The following KDM5A variants were observed in gnomAD, a reference collection of about 807,000 sequenced individuals.
KDM5A encodes lysine-specific demethylase 5A.
In KDM5A, 42 loss-of-function variants were observed where a neutral mutation model predicts 193.5. That is an observed-to-expected ratio of 0.22 (90% CI 0.17 to 0.28). The LOEUF (loss-of-function observed/expected upper bound fraction) is 0.28, where lower values mean the gene tolerates loss of function less well. Among genes scored for constraint, KDM5A ranks in the 10% least tolerant of loss-of-function variants. KDM5A has a pLI of 1.00. For missense variants in KDM5A, 1,692 were observed against 2,055.1 expected (o/e 0.82, Z 3.42); for synonymous variants, 796 against 718.1 (o/e 1.11, Z -1.73).
intron 2 of KDM5A, 23 bp from the exon 3 acceptor site, chr12:384,176 G>A (rs759985812): frequency 5.8e-6 from 9 of 1,549,098 alleles, no homozygotes; most frequent in Middle Eastern, 1.7e-4. Flanking sequence ...AAATACAGAA[G>A]AACTAAGTTA....
intron 24 of KDM5A, among the ~76,000 whole-genome samples, chr12:306,687 G>C (rs1461937162): frequency 6.7e-6 from 1 of 149,372 alleles, no homozygotes; most frequent in Non-Finnish European, 1.5e-5. Context: ...AGGTTGCACT[G>C]AACAGAGATC....
At chr12:385,784 A>G in intron 2 of KDM5A, 113 bp downstream of exon 2, 3 of 809,114 alleles carry the variant, frequency 3.7e-6, no homozygotes, top group Non-Finnish European at 6.5e-6. Flanking sequence ...ATTCCATTCA[A>G]TACCAATTAA....
intron 19 of KDM5A, among the ~76,000 whole-genome samples, chr12:313,946 G>A (rs1943619484): frequency 6.6e-6 from 1 of 152,146 alleles, no homozygotes; most frequent in South Asian, 2.1e-4. Context: ...AAGCATTCAT[G>A]GTTCAGTTTG....
At chr12:350,427 CAA>C (rs10616968) in intron 10 of KDM5A, among the ~76,000 whole-genome samples, 192 bp downstream of exon 10, 31,060 of 100,792 alleles carry the variant, frequency 0.31, 3,071 homozygotes, top group East Asian at 0.52. Context: ...GATTCCTTCT[CAA>C]AAAAAAAAAA....
chr12:348,065 A>G (rs1376695137), intron 10 of KDM5A, among the ~76,000 whole-genome samples: 3 of 152,100 alleles, frequency 2.0e-5, no homozygotes, highest in South Asian at 2.1e-4. Flanking sequence ...ACAAATTTAC[A>G]AGAAAAAAAC....
intron 12 of KDM5A, chr12:333,197 C>CTGCTTGAGCTCA: frequency 2.4e-6 from 1 of 422,692 alleles, no homozygotes; most frequent in East Asian, 4.7e-5. Context: ...GTTGGGAAGA[C>CTGCTTGAGCTCA]TGCTTGAGCT....
intron 3 of KDM5A, among the ~76,000 whole-genome samples, chr12:369,720 G>A (rs1415366627): frequency 6.6e-6 from 1 of 152,184 alleles, no homozygotes; most frequent in Non-Finnish European, 1.5e-5. Context: ...AAGGAAGCCA[G>A]TGTGGCTAAA....
intron 3 of KDM5A, among the ~76,000 whole-genome samples, chr12:374,731 T>C (rs1944479565): frequency 6.6e-6 from 1 of 152,238 alleles, no homozygotes; most frequent in Admixed American, 6.5e-5. Flanking sequence ...CTTTACATGT[T>C]TAGTGCTTCC....
chr12:369,182 A>G (rs1944394666), intron 3 of KDM5A, among the ~76,000 whole-genome samples: 1 of 152,180 alleles, frequency 6.6e-6, no homozygotes, highest in Admixed American at 6.5e-5. Flanking sequence ...CAAACAATCA[A>G]TCAGGGGAAA....
intron 24 of KDM5A, among the ~76,000 whole-genome samples, chr12:303,241 A>G (rs903883376): frequency 1.3e-5 from 2 of 152,264 alleles, no homozygotes; most frequent in African/African-American, 4.8e-5. Context: ...TGTTCACAAC[A>G]GCAAAGACTT....
chr12:350,944 G>A (rs1374277464), intron 9 of KDM5A, among the ~76,000 whole-genome samples, 165 bp from the exon 10 acceptor site: 6 of 152,146 alleles, frequency 3.9e-5, no homozygotes, highest in African/African-American at 7.2e-5. Context: ...AATGAGAACA[G>A]GGAAAAGCTG....
chr12:341,919 GA>G (rs1479134455), intron 10 of KDM5A, among the ~76,000 whole-genome samples: 1 of 137,990 alleles, frequency 7.2e-6, no homozygotes, highest in East Asian at 2.5e-4. Flanking sequence ...AAAAGAGAGA[GA>G]GAGAAATGGG....
At chr12:297,233 T>C in intron 24 of KDM5A, 33 bp from the exon 25 acceptor site, 1 of 1,607,724 alleles carries the variant, frequency 6.2e-7, no homozygotes, top group Non-Finnish European at 8.5e-7. Context: ...TATTCAGAAT[T>C]AGAGTCATTT....
At chr12:329,160 G>A in intron 13 of KDM5A, 131 bp from the exon 14 acceptor site, 1 of 770,656 alleles carries the variant, frequency 1.3e-6, no homozygotes, top group South Asian at 1.5e-5. Context: ...ATATAAAGAG[G>A]CAATATTCTA....
chr12:322,730 C>T (rs1943733804), intron 16 of KDM5A, among the ~76,000 whole-genome samples, 163 bp from the exon 17 acceptor site: 1 of 152,152 alleles, frequency 6.6e-6, no homozygotes, highest in Non-Finnish European at 1.5e-5. Flanking sequence ...ACAATAAAAG[C>T]TAACAACCAG....
intron 24 of KDM5A, among the ~76,000 whole-genome samples, chr12:299,604 G>A (rs61906995): frequency 0.21 from 32,145 of 151,960 alleles, 3,622 homozygotes; most frequent in South Asian, 0.3. Flanking sequence ...ATACCAAATC[G>A]TAAAGACCAT....
In KDM5A at chr12:313,149, G is replaced by A. The variant is rs1375049172; in HGVS notation, c.2943C>T (p.Ala981=). ...TGGGTAGAAAGGCTGGAATGTTCTT[G>A]GCTTCATTCACAATGCTTTCTAAAC... ...VASLESIVNE[A]KNIPAFLPNV... is the part of the protein sequence containing the mutation. The change falls in exon 20 of 28, where the codon GCC becomes GCT. Residue 981 remains alanine (A), a synonymous_variant. Transcript: ENST00000399788. 6.2e-7 allele frequency: 1 copy of A among 1,614,052 alleles called. No individual in the cohort carries two copies. Among genetic ancestry groups the A allele is most frequent in the Admixed American group, 1.7e-5 (1 of 60,016 alleles).
intron 10 of KDM5A, among the ~76,000 whole-genome samples, chr12:338,269 C>T (rs538615220): frequency 2.6e-4 from 39 of 152,248 alleles, no homozygotes; most frequent in East Asian, 1.9e-4. Flanking sequence ...TGGTTTATGC[C>T]GAACTCCTGC....
intron 27 of KDM5A, among the ~76,000 whole-genome samples, chr12:287,979 TCAAAAGAG>T (rs1943241428): frequency 6.6e-6 from 1 of 152,226 alleles, no homozygotes; most frequent in Non-Finnish European, 1.5e-5. Flanking sequence ...TTCTACCATT[TCAAAAGAG>T]TATATAACCT....
Sources: gnomAD v4.1 joint callset for allele counts (sites outside exome capture counted in the v4.1 genomes callset) on GRCh38, gnomAD v4.1.1 for gene constraint, MANE v1.5 for transcripts, NCBI Gene and HGNC (gene_info 2026-07-23, HGNC 2026-07-21) for gene names.